The following FAR2 variants were observed in gnomAD, a reference collection of about 807,000 sequenced individuals.
FAR2 encodes the protein epididymis secretory protein Li 81.
FAR2 carries 19 observed loss-of-function variants against 56.0 expected under a neutral mutation model. The ratio of observed to expected loss-of-function variants is 0.34; its 90% CI spans 0.24 to 0.50. The LOEUF (loss-of-function observed/expected upper bound fraction) is 0.50, where lower values mean the gene tolerates loss of function less well. Among genes scored for constraint, FAR2 ranks in the 20% least tolerant of loss-of-function variants. The probability of loss-of-function intolerance (pLI) is 0.98; values close to 1 mark genes in which losing one functional copy is unlikely to be tolerated. For synonymous variants in FAR2, 219 were observed against 218.8 expected (o/e 1.00, Z -0.01); for missense variants, 508 against 642.2 (o/e 0.79, Z 2.26).
At chr12:29,288,657 A>G (rs1019515135) in intron 2 of FAR2, among the ~76,000 whole-genome samples, 3 of 152,124 alleles carry the variant, frequency 2.0e-5, no homozygotes, top group Non-Finnish European at 2.9e-5. Flanking sequence ...GAGAAATTAC[A>G]TTACTTCAAG....
At position 29,307,614 on chromosome 12, in the gene FAR2, T is replaced by G; in HGVS notation, c.546-44T>G. 2.0e-6 allele frequency: 3 copies of G among 1,522,746 alleles called. No homozygotes were observed. The South Asian group carries it at 3.8e-5, about 19-fold the overall frequency. 94.3% of individuals were successfully genotyped at this position (1,522,746 alleles called of 1,614,324 possible). A position where few individuals can be genotyped will look rare whatever the true frequency, so the allele number is the denominator to read the frequency against. ...GTCTCACATTTTCCTTTTGGTTTATTGTCTAACATATGTTACTAGAATTCT... is the reference window on the plus strand; with the variant it reads ...GTCTCACATTTTCCTTTTGGTTTATGGTCTAACATATGTTACTAGAATTCT... On this transcript the variant is annotated intron_variant, in intron 4 of 11. Coordinates refer to ENST00000536681, the MANE Select transcript of FAR2 (RefSeq NM_001271783.2).
chr12:29,208,217 T>C (rs1947498857), intron 1 of FAR2, among the ~76,000 whole-genome samples: 1 of 152,136 alleles, frequency 6.6e-6, no homozygotes, highest in Admixed American at 6.5e-5. Context: ...GCAACGGAAA[T>C]CCTCCTGCTG....
intron 1 of FAR2, among the ~76,000 whole-genome samples, chr12:29,233,592 G>A (rs1947892558): frequency 6.6e-6 from 1 of 152,146 alleles, no homozygotes; most frequent in Non-Finnish European, 1.5e-5. Context: ...CTCTCCTCGT[G>A]TCATAGGTTA....
intron 4 of FAR2, chr12:29,301,635 T>C (rs1949165897): frequency 6.6e-6 from 1 of 152,156 alleles, no homozygotes; most frequent in Admixed American, 6.5e-5. Context: ...AAAAATGGAA[T>C]CACAAATATT....
chr12:29,305,322 G>A (rs936432113), intron 4 of FAR2, among the ~76,000 whole-genome samples: 2 of 151,748 alleles, frequency 1.3e-5, no homozygotes, highest in African/African-American at 4.8e-5. Flanking sequence ...TTTTTTTGTA[G>A]AGGCAGGGTG....
rs1367426202 is a variant in FAR2 at position 29,335,335 on chromosome 12, G to A, written c.*1541G>A. On this transcript the variant is annotated 3_prime_UTR_variant, in exon 12 of 12. Transcript: ENST00000536681. Reference sequence around the variant, plus strand: ...TCTTTCCCAATCTCATCTAAATTCTGGGAAATATTTTCCATAGCAGACAAC... The same window carrying A: ...TCTTTCCCAATCTCATCTAAATTCTAGGAAATATTTTCCATAGCAGACAAC... The A allele has an allele frequency of 6.6e-6, 1 of 152,062 alleles. No homozygotes were observed. The highest frequency in any genetic ancestry group is 1.5e-5 in the Non-Finnish European group (1 of 68,022). The allele number at this position is 152,062 out of a possible 1,614,324, so 9.4% of individuals were successfully genotyped here.
chr12:29,206,872 C>T (rs2136623414), intron 1 of FAR2, among the ~76,000 whole-genome samples: 1 of 152,130 alleles, frequency 6.6e-6, no homozygotes, highest in East Asian at 1.9e-4. Flanking sequence ...GTCAGTGATT[C>T]TCAACCCACC....
chr12:29,198,067 A>C (rs181961111), intron 1 of FAR2, among the ~76,000 whole-genome samples: 28 of 152,334 alleles, frequency 1.8e-4, no homozygotes, highest in Admixed American at 8.5e-4. Flanking sequence ...AGCTGCGAAC[A>C]GCTGTGTACT....
intron 1 of FAR2, among the ~76,000 whole-genome samples, chr12:29,262,257 A>G (rs1345028306): frequency 1.3e-5 from 2 of 152,100 alleles, no homozygotes; most frequent in Non-Finnish European, 2.9e-5. Flanking sequence ...GTTTAAAATA[A>G]TGGGTTATAA....
chr12:29,187,118 T>C (rs1950052123), intron 1 of FAR2, among the ~76,000 whole-genome samples: 1 of 152,292 alleles, frequency 6.6e-6, no homozygotes, highest in South Asian at 2.1e-4. Context: ...TTCTTGGTAG[T>C]AGTATTTGCG....
At chr12:29,171,164 A>G (rs1158043241) in intron 1 of FAR2, among the ~76,000 whole-genome samples, 1 of 152,218 alleles carries the variant, frequency 6.6e-6, no homozygotes, top group African/African-American at 2.4e-5. Flanking sequence ...TGAGAAAGCC[A>G]TGCCAGTGTC....
chr12:29,179,718 A>C (rs1305568817), intron 1 of FAR2, among the ~76,000 whole-genome samples: 1 of 152,180 alleles, frequency 6.6e-6, no homozygotes, highest in Non-Finnish European at 1.5e-5. Context: ...CATGGAGAGA[A>C]TCAAACTCTG....
chr12:29,253,408 C>CAGATAGAT (rs140676085), intron 1 of FAR2, among the ~76,000 whole-genome samples: 29 of 144,108 alleles, frequency 2.0e-4, no homozygotes, highest in East Asian at 1.1e-3. Context: ...GATAGATGGA[C>CAGATAGAT]AGATAGATAG....
intron 1 of FAR2, among the ~76,000 whole-genome samples, chr12:29,180,612 A>G (rs550533674): frequency 6.2e-4 from 95 of 152,262 alleles, no homozygotes; most frequent in African/African-American, 2.2e-3. Flanking sequence ...TTCTGATAGT[A>G]CTTTTAGGCC....
At chr12:29,274,776 C>T (rs572511171) in intron 2 of FAR2, among the ~76,000 whole-genome samples, 9 of 151,558 alleles carry the variant, frequency 5.9e-5, no homozygotes, top group Non-Finnish European at 1.3e-4. Flanking sequence ...CCACTCCTGC[C>T]CGCCAGAGAA....
intron 1 of FAR2, among the ~76,000 whole-genome samples, chr12:29,197,877 C>G (rs1490783372): frequency 6.6e-6 from 1 of 152,010 alleles, no homozygotes; most frequent in African/African-American, 2.4e-5. Context: ...CAAGAAAAAG[C>G]AAAATCTCAG....
chr12:29,152,987 T>G (rs751596059), intron 1 of FAR2, among the ~76,000 whole-genome samples: 2 of 152,176 alleles, frequency 1.3e-5, no homozygotes, highest in Non-Finnish European at 2.9e-5. Flanking sequence ...TGGATGCAGC[T>G]GAAGTTTTAT....
intron 2 of FAR2, among the ~76,000 whole-genome samples, chr12:29,285,107 C>T (rs1948852258): frequency 6.6e-6 from 1 of 152,168 alleles, no homozygotes; most frequent in South Asian, 2.1e-4. Context: ...TCCCAAAGTG[C>T]TGGGATTACA....
intron 10 of FAR2, among the ~76,000 whole-genome samples, chr12:29,326,403 G>A (rs968155536): frequency 1.3e-5 from 2 of 152,102 alleles, no homozygotes; most frequent in African/African-American, 4.8e-5. Context: ...CTCATTTTAT[G>A]AGGCCAGCAT....
Sources: allele counts gnomAD v4.1 joint callset (sites outside exome capture counted in the v4.1 genomes callset), GRCh38; gene constraint gnomAD v4.1.1; transcripts MANE v1.5; gene names NCBI Gene and HGNC (gene_info 2026-07-23, HGNC 2026-07-21).